Variants in DAAM2 observed in about 807,000 individuals in gnomAD.
DAAM2 encodes the protein disheveled-associated activator of morphogenesis 2.
In DAAM2, 39 loss-of-function variants were observed where a neutral mutation model predicts 120.7. That is an observed-to-expected ratio of 0.32 (90% CI 0.25 to 0.42). The LOEUF (loss-of-function observed/expected upper bound fraction) is 0.42, where lower values mean the gene tolerates loss of function less well. Ranked by LOEUF, DAAM2 falls within the 10% of genes least tolerant of loss-of-function variation. The probability of loss-of-function intolerance (pLI) is 1.00; values close to 1 mark genes in which losing one functional copy is unlikely to be tolerated. For synonymous variants in DAAM2, 488 were observed against 524.9 expected (o/e 0.93, Z 0.96); for missense variants, 1,283 against 1,401.7 (o/e 0.92, Z 1.35).
chr6:39,842,685 CGTATGTAATGAA>C (rs1367115819), intron 1 of DAAM2, among the ~76,000 whole-genome samples: 3 of 151,918 alleles, frequency 2.0e-5, no homozygotes, highest in Non-Finnish European at 2.9e-5. Context: ...TATTAAATAA[CGTATGTAATGAA>C]GTATATAATG....
chr6:39,887,355 T>C lies in DAAM2; in HGVS notation c.1954-131T>C, dbSNP rs140444632. On this transcript the variant is annotated intron_variant, in intron 15 of 24. Transcript: ENST00000274867. Reference sequence around the variant, plus strand: ...CTATTATCCACCCTCCTCTCTCTCCTGTCTTTTTCTTCCCCCTTCCCCTCA... The same window carrying C: ...CTATTATCCACCCTCCTCTCTCTCCCGTCTTTTTCTTCCCCCTTCCCCTCA... The C allele has an allele frequency of 7.1e-4, 450 of 629,632 alleles. 3 individuals carry two copies. The African/African-American group carries it at 7.6e-3, about 11-fold the overall frequency. The allele number at this position is 629,632 out of a possible 1,614,324, so 39.0% of individuals were successfully genotyped here.
intron 22 of DAAM2, chr6:39,899,451 G>A (rs1766339593): frequency 6.1e-6 from 1 of 164,324 alleles, no homozygotes; most frequent in Admixed American, 6.1e-5. Context: ...GTGGGGAAGT[G>A]AGCCAGACTG....
At chr6:39,853,001 G>A (rs901346321) in intron 1 of DAAM2, among the ~76,000 whole-genome samples, 17 of 152,194 alleles carry the variant, frequency 1.1e-4, no homozygotes, top group East Asian at 5.8e-4. Context: ...CTGCTCTAGC[G>A]GAGGGAGGCT....
intron 1 of DAAM2, among the ~76,000 whole-genome samples, chr6:39,810,270 A>T (rs1762124057): frequency 6.6e-6 from 1 of 152,228 alleles, no homozygotes. Flanking sequence ...AAGAGATCAG[A>T]CATTAGGTGA....
chr6:39,799,861 T>A (rs1561991662), intron 1 of DAAM2, among the ~76,000 whole-genome samples: 2 of 152,336 alleles, frequency 1.3e-5, no homozygotes, highest in African/African-American at 4.8e-5. Flanking sequence ...TAGTAATATA[T>A]CCTGCTGTAA....
chr6:39,877,768 C>T (rs532905316), intron 11 of DAAM2, among the ~76,000 whole-genome samples: 14 of 152,280 alleles, frequency 9.2e-5, no homozygotes, highest in Admixed American at 3.3e-4. Context: ...CTTGCTCTTA[C>T]GCATTGGTCT....
intron 14 of DAAM2, among the ~76,000 whole-genome samples, chr6:39,883,191 T>C (rs1765212470): frequency 6.6e-6 from 1 of 151,828 alleles, no homozygotes; most frequent in African/African-American, 2.4e-5. Context: ...GGGCTTTTTT[T>C]TTTTTTTTTG....
chr6:39,873,152 C>T, intron 9 of DAAM2, 86 bp from the exon 10 acceptor site: 1 of 837,044 alleles, frequency 1.2e-6, no homozygotes, highest in Non-Finnish European at 2.0e-6. Context: ...TGAGACAGGG[C>T]ATAGTGGATG....
intron 21 of DAAM2, among the ~76,000 whole-genome samples, chr6:39,898,341 G>A (rs1382758238): frequency 6.6e-6 from 1 of 152,214 alleles, no homozygotes; most frequent in Non-Finnish European, 1.5e-5. Flanking sequence ...CTCAAAAAGA[G>A]TGTGCGTACA....
intron 22 of DAAM2, 53 bp from the exon 23 acceptor site, chr6:39,900,024 C>G: frequency 6.4e-7 from 1 of 1,564,380 alleles, no homozygotes; most frequent in African/African-American, 1.4e-5. Context: ...GACCCCTGCA[C>G]CCGACTCTCA....
chr6:39,801,071 G>A (rs1351366784), intron 1 of DAAM2, among the ~76,000 whole-genome samples: 1 of 152,188 alleles, frequency 6.6e-6, no homozygotes, highest in Non-Finnish European at 1.5e-5. Flanking sequence ...TCATGGGGTT[G>A]TTGAGACAAT....
At chr6:39,881,853 T>A (rs956265768) in intron 14 of DAAM2, 2 of 152,120 alleles carry the variant, frequency 1.3e-5, no homozygotes, top group Non-Finnish European at 2.9e-5. Context: ...ATGTTTGAAG[T>A]ATGTTATCTC....
intron 1 of DAAM2, among the ~76,000 whole-genome samples, chr6:39,838,167 T>A (rs1763180751): frequency 6.6e-6 from 1 of 152,236 alleles, no homozygotes; most frequent in Non-Finnish European, 1.5e-5. Context: ...TGACCTCACC[T>A]GGTTGCCTCA....
intron 3 of DAAM2, 137 bp from the exon 4 acceptor site, chr6:39,864,296 G>A (rs989054547): frequency 3.2e-6 from 2 of 634,392 alleles, no homozygotes; most frequent in East Asian, 5.6e-5. Context: ...CTGGGGGAGA[G>A]TGTAATTTCC....
chr6:39,855,510 A>G (rs557100036), intron 1 of DAAM2, among the ~76,000 whole-genome samples: 2 of 152,186 alleles, frequency 1.3e-5, no homozygotes, highest in Non-Finnish European at 2.9e-5. Context: ...GTCAAATACC[A>G]TTCCAATGAT....
chr6:39,816,056 C>T lies in DAAM2; in HGVS notation c.-57+23591C>T, dbSNP rs377628860. Among the ~76,000 whole-genome samples the T allele has an allele frequency of 3.4e-4, 52 of 152,296 alleles. No individual in the cohort carries two copies. The South Asian group carries it at 0.011, about 32-fold the overall frequency. ...GAGTAGCAATGAAGATTTATTTTTC[C>T]TACTGACATGAACTGTGCTACCTCT... On this transcript the variant is annotated intron_variant, in intron 1 of 24. Coordinates refer to ENST00000274867, the MANE Select transcript of DAAM2 (RefSeq NM_001201427.2).
chr6:39,824,920 C>T (rs1375306957), intron 1 of DAAM2, among the ~76,000 whole-genome samples: 1 of 152,116 alleles, frequency 6.6e-6, no homozygotes, highest in Admixed American at 6.5e-5. Context: ...TTGGGACTTG[C>T]CAGTCTTCCT....
intron 1 of DAAM2, among the ~76,000 whole-genome samples, chr6:39,807,993 T>G (rs1762057242): frequency 6.6e-6 from 1 of 152,034 alleles, no homozygotes. Flanking sequence ...TCTGGAAAAT[T>G]TCAGGTAGAT....
intron 1 of DAAM2, among the ~76,000 whole-genome samples, chr6:39,824,217 C>A (rs1009373126): frequency 1.3e-5 from 2 of 152,196 alleles, no homozygotes; most frequent in Non-Finnish European, 2.9e-5. Flanking sequence ...CAGTTCTGTG[C>A]CTGCTGGGCA....
Sources: allele counts gnomAD v4.1 joint callset (sites outside exome capture counted in the v4.1 genomes callset), GRCh38; gene constraint gnomAD v4.1.1; transcripts MANE v1.5; gene names NCBI Gene and HGNC (gene_info 2026-07-23, HGNC 2026-07-21).